Variants in KANK1 observed in about 807,000 individuals in gnomAD.
KANK1 encodes the protein KN motif and ankyrin repeat domain-containing protein 1.
KANK1 carries 109 observed loss-of-function variants against 106.2 expected under a neutral mutation model. That is an observed-to-expected ratio of 1.03 (90% CI 0.88 to 1.20). The LOEUF (loss-of-function observed/expected upper bound fraction) is 1.20, where lower values mean the gene tolerates loss of function less well. Ranked by LOEUF, KANK1 falls within the 50% of genes most tolerant of loss-of-function variation. KANK1 has a pLI of 0.00. For synonymous variants in KANK1, 873 were observed against 652.2 expected, an observed-to-expected ratio of 1.34 and a Z score of -5.16; for missense variants, 2,399 against 1,710.7, an observed-to-expected ratio of 1.40 and a Z score of -7.10.
chr9:544,221 A>G (rs967233560), intron 1 of KANK1, among the ~76,000 whole-genome samples: 1 of 151,768 alleles, frequency 6.6e-6, no homozygotes, highest in Middle Eastern at 3.2e-3. Context: ...GGGTTTTGCC[A>G]TGTTGCCCAG....
chr9:482,935 T>C (rs1011748966), intron 3 of KANK1, among the ~76,000 whole-genome samples: 2 of 152,208 alleles, frequency 1.3e-5, no homozygotes, highest in Non-Finnish European at 2.9e-5. Flanking sequence ...GTGTGAATCA[T>C]CTTTTTGTCC....
At chr9:600,206 C>A (rs78162120) in intron 1 of KANK1, among the ~76,000 whole-genome samples, 1 of 151,724 alleles carries the variant, frequency 6.6e-6, no homozygotes, top group East Asian at 1.9e-4. Context: ...TCCCCACCCC[C>A]CTCTTCCCCT....
chr9:720,731 C>G (rs1424780876), intron 3 of KANK1, among the ~76,000 whole-genome samples: 1 of 152,214 alleles, frequency 6.6e-6, no homozygotes, highest in Non-Finnish European at 1.5e-5. Context: ...CTCCCAGCCT[C>G]AAACCATCCT....
At chr9:474,061 C>T (rs745631150) in intron 3 of KANK1, among the ~76,000 whole-genome samples, 1 of 152,120 alleles carries the variant, frequency 6.6e-6, no homozygotes, top group Non-Finnish European at 1.5e-5. Flanking sequence ...CATGATGGCT[C>T]CTCACAAGAA....
At chr9:606,354 C>A (rs1829155572) in intron 1 of KANK1, among the ~76,000 whole-genome samples, 1 of 147,136 alleles carries the variant, frequency 6.8e-6, no homozygotes, top group Non-Finnish European at 1.5e-5. Context: ...GTCAGGAATT[C>A]GAGACTAGCC....
At chr9:653,781 G>A (rs1028332781) in intron 1 of KANK1, among the ~76,000 whole-genome samples, 13 of 152,164 alleles carry the variant, frequency 8.5e-5, no homozygotes, top group Non-Finnish European at 1.8e-4. Flanking sequence ...TAAAAAAGAA[G>A]GAGAGGATAG....
At chr9:676,212 A>G (rs929429238) in intron 1 of KANK1, among the ~76,000 whole-genome samples, 3 of 152,124 alleles carry the variant, frequency 2.0e-5, no homozygotes, top group East Asian at 3.9e-4. Flanking sequence ...GGGAATTTAG[A>G]CTTAAAATAA....
At chr9:723,034 G>GA (rs1829765940) in intron 3 of KANK1, among the ~76,000 whole-genome samples, 1 of 152,200 alleles carries the variant, frequency 6.6e-6, no homozygotes. Flanking sequence ...GCCAAGCCTT[G>GA]AAAAGAGTAT....
At chr9:611,685 C>A (rs902355283) in intron 1 of KANK1, among the ~76,000 whole-genome samples, 2 of 152,096 alleles carry the variant, frequency 1.3e-5, no homozygotes, top group African/African-American at 4.8e-5. Context: ...TTTATCTTCC[C>A]AGTAATATTT....
At chr9:637,434 A>C (rs1837408836) in intron 1 of KANK1, among the ~76,000 whole-genome samples, 1 of 152,200 alleles carries the variant, frequency 6.6e-6, no homozygotes, top group South Asian at 2.1e-4. Flanking sequence ...CTGATGTCAT[A>C]AGTAGTGTTT....
At chr9:618,626 A>G (rs542315746) in intron 1 of KANK1, among the ~76,000 whole-genome samples, 11 of 152,196 alleles carry the variant, frequency 7.2e-5, no homozygotes, top group Non-Finnish European at 1.6e-4. Context: ...ACTCCTAGGC[A>G]TCTGAATCAC....
At chr9:713,632 C>T (rs1564059111) in intron 3 of KANK1, among the ~76,000 whole-genome samples, 168 bp downstream of exon 3, 1 of 152,142 alleles carries the variant, frequency 6.6e-6, no homozygotes, top group Non-Finnish European at 1.5e-5. Flanking sequence ...TCCATAAGCA[C>T]CTCTGCTGAT....
intron 1 of KANK1, among the ~76,000 whole-genome samples, chr9:508,841 CTA>C (rs1258837868): frequency 6.6e-6 from 1 of 152,178 alleles, no homozygotes; most frequent in Non-Finnish European, 1.5e-5. Context: ...AGTAGTGTGA[CTA>C]TGAACATTCT....
chr9:560,792 G>A lies in KANK1; in HGVS notation c.-84+56038G>A, dbSNP rs140193793. 2.1e-3 allele frequency among the ~76,000 whole-genome samples: 311 copies of A among 144,918 alleles called. 2 individuals are homozygous for A. The highest frequency in any genetic ancestry group is 7.4e-3 in the African/African-American group (291 of 39,484). ...GACATCAGGATAGAAAAAAAAAAAG[G>A]CTGCAAAAAGTTGAAGGCAATCAAC... On this transcript the variant is annotated intron_variant, in intron 1 of 11. Transcript: ENST00000382297.
intron 1 of KANK1, among the ~76,000 whole-genome samples, chr9:557,408 G>T (rs1234014154): frequency 6.6e-5 from 10 of 152,106 alleles, no homozygotes; most frequent in Non-Finnish European, 1.5e-5. Context: ...GTGTATATTT[G>T]AAGTTTTTCA....
In KANK1 at chr9:713,024, C is replaced by A; in HGVS notation, c.2258C>A (p.Ala753Asp). ...CATTCTGGGTTTGACAGGCCATCAG[C>A]TGTGAAGACCAAAGAGTCAGGTGTG... The part of the protein sequence containing the change: ...SGHSGFDRPS[A>D]VKTKESGVGQ... The change falls in exon 3 of 12, where the codon GCT becomes GAT. Residue 753 changes from alanine (A) to aspartate (D), a missense_variant. Coordinates refer to ENST00000382297, the MANE Select transcript of KANK1 (RefSeq NM_015158.5). 1 of 1,614,170 alleles carries A rather than the reference C, an allele frequency of 6.2e-7. No individual in the cohort carries two copies. The highest frequency in any genetic ancestry group is 8.5e-7 in the Non-Finnish European group (1 of 1,180,030).
chr9:706,741 C>T, intron 2 of KANK1: 2 of 979,264 alleles, frequency 2.0e-6, no homozygotes, highest in Non-Finnish European at 2.4e-6. Context: ...TGAGAAGAGT[C>T]AGGCAGTGCT....
chr9:607,688 G>A (rs1483788445), intron 1 of KANK1, among the ~76,000 whole-genome samples: 1 of 151,598 alleles, frequency 6.6e-6, no homozygotes, highest in Non-Finnish European at 1.5e-5. Context: ...GCAGCAGAGT[G>A]CTAGGAAACT....
At position 732,291 on chromosome 9, in the gene KANK1, C is replaced by G. The variant is rs371307399; in HGVS notation, c.3006-87C>G. On this transcript the variant is annotated intron_variant, in intron 5 of 11. Coordinates refer to ENST00000382297, the MANE Select transcript of KANK1 (RefSeq NM_015158.5). Reference sequence around the variant, plus strand: ...AAACCACTAGTGAAATTTCTGGAGTCAATTAGCAAATCCCTTCATAGAAAT... The same window carrying G: ...AAACCACTAGTGAAATTTCTGGAGTGAATTAGCAAATCCCTTCATAGAAAT... 551 of 1,470,712 alleles carry G rather than the reference C, an allele frequency of 3.7e-4. 2 individuals carry two copies. Among genetic ancestry groups the G allele is most frequent in the Non-Finnish European group, 4.8e-4 (523 of 1,092,942 alleles). 91.1% of individuals were successfully genotyped at this position (1,470,712 alleles called of 1,614,324 possible).
Sources: allele counts gnomAD v4.1 joint callset (sites outside exome capture counted in the v4.1 genomes callset), GRCh38; gene constraint gnomAD v4.1.1; transcripts MANE v1.5; gene names NCBI Gene and HGNC (gene_info 2026-07-23, HGNC 2026-07-21).